The following TLL1 variants were observed in gnomAD, a reference collection of about 807,000 sequenced individuals.
The protein encoded by TLL1 is tolloid like 1.
Under a neutral mutation model 128.2 loss-of-function variants are expected in TLL1, and 49 were observed. The ratio of observed to expected loss-of-function variants is 0.38; its 90% CI spans 0.30 to 0.48. The LOEUF (loss-of-function observed/expected upper bound fraction) is 0.48, where lower values mean the gene tolerates loss of function less well. Among genes scored for constraint, TLL1 ranks in the 20% least tolerant of loss-of-function variants. TLL1 has a pLI of 0.96. For missense variants in TLL1, 1,123 were observed against 1,242.0 expected, an observed-to-expected ratio of 0.90 and a Z score of 1.44; for synonymous variants, 454 against 418.8, an observed-to-expected ratio of 1.08 and a Z score of -1.03.
chr4:166,024,357 T>TA (rs1194776093), intron 8 of TLL1, among the ~76,000 whole-genome samples: 3 of 152,212 alleles, frequency 2.0e-5, no homozygotes, highest in African/African-American at 7.2e-5. Flanking sequence ...CACCTGCTGG[T>TA]AGCTAAGGCC....
intron 5 of TLL1, among the ~76,000 whole-genome samples, chr4:166,002,848 A>T (rs77019793): frequency 0.013 from 2,044 of 152,316 alleles, 44 homozygotes; most frequent in African/African-American, 0.047. Flanking sequence ...ATAAACCAAC[A>T]TCTTTGATAA....
chr4:165,878,838 C>T (rs562254868), intron 1 of TLL1, among the ~76,000 whole-genome samples: 1 of 149,742 alleles, frequency 6.7e-6, no homozygotes, highest in South Asian at 2.1e-4. Flanking sequence ...TGAAACAGTT[C>T]GTATGTGTAG....
rs1734230878 is a variant in TLL1, at chr4:165,946,012, A to G, written c.170-43369A>G. Among the ~76,000 whole-genome samples the G allele has an allele frequency of 2.0e-5, 3 of 152,190 alleles. No individual in the cohort carries two copies. In the East Asian group the frequency reaches 5.8e-4, roughly 29 times the overall value. On this transcript the variant is annotated intron_variant, in intron 1 of 20. Transcript: ENST00000061240. ...TGGAAAGATGTAGCAGAAGAGAGAAATTAGAGAGAAATGAAGCCTGAGAAG... is the reference window on the plus strand; with the variant it reads ...TGGAAAGATGTAGCAGAAGAGAGAAGTTAGAGAGAAATGAAGCCTGAGAAG...
intron 1 of TLL1, among the ~76,000 whole-genome samples, chr4:165,923,487 G>A (rs1285968198): frequency 4.6e-5 from 6 of 129,540 alleles, no homozygotes; most frequent in Non-Finnish European, 9.3e-5. Context: ...GAAGTGCAGT[G>A]GTACGATCTC....
At chr4:166,014,057 G>A (rs1254780609) in intron 7 of TLL1, among the ~76,000 whole-genome samples, 1 of 151,658 alleles carries the variant, frequency 6.6e-6, no homozygotes, top group Non-Finnish European at 1.5e-5. Flanking sequence ...GTTTGCTATT[G>A]GGGAAATAGA....
intron 16 of TLL1, among the ~76,000 whole-genome samples, chr4:166,072,739 G>A (rs1214933470): frequency 6.6e-6 from 1 of 152,006 alleles, no homozygotes; most frequent in Non-Finnish European, 1.5e-5. Flanking sequence ...AATAATGCAT[G>A]TGTTATTGAA....
At chr4:166,003,339 G>A in intron 5 of TLL1, 52 bp from the exon 6 acceptor site, 1 of 1,596,114 alleles carries the variant, frequency 6.3e-7, no homozygotes, top group South Asian at 1.1e-5. Flanking sequence ...CATATTGTCA[G>A]TTGTCCAGCA....
intron 1 of TLL1, among the ~76,000 whole-genome samples, chr4:165,950,362 C>T (rs898349723): frequency 6.6e-6 from 1 of 151,936 alleles, no homozygotes; most frequent in East Asian, 1.9e-4. Flanking sequence ...ATTGGTAGAA[C>T]AAATAGGCGA....
intron 6 of TLL1, among the ~76,000 whole-genome samples, chr4:166,005,972 G>A (rs1011712930): frequency 4.0e-5 from 6 of 151,740 alleles, no homozygotes; most frequent in Non-Finnish European, 7.4e-5. Context: ...AATCTATTGG[G>A]TGAGATTTCC....
intron 1 of TLL1, among the ~76,000 whole-genome samples, chr4:165,949,253 C>T (rs1734397295): frequency 6.6e-6 from 1 of 151,998 alleles, no homozygotes; most frequent in South Asian, 2.1e-4. Context: ...AGAAACCAGG[C>T]ACCTCCACTC....
intron 1 of TLL1, among the ~76,000 whole-genome samples, chr4:165,977,343 C>T (rs1172642895): frequency 6.6e-6 from 1 of 152,066 alleles, no homozygotes; most frequent in Non-Finnish European, 1.5e-5. Context: ...GACTGTTCCT[C>T]CTGCACACAC....
intron 9 of TLL1, among the ~76,000 whole-genome samples, chr4:166,027,939 GA>G (rs1262351547): frequency 6.6e-6 from 1 of 151,958 alleles, no homozygotes; most frequent in African/African-American, 2.4e-5. Context: ...TAAATAGGAA[GA>G]AAAAATCTAT....
chr4:165,880,149 C>T (rs2061516), intron 1 of TLL1, among the ~76,000 whole-genome samples: 4,391 of 152,178 alleles, frequency 0.029, 104 homozygotes, highest in Middle Eastern at 0.044. Context: ...GAGAGAATCC[C>T]TTGCTTATTT....
At chr4:165,976,473 A>G (rs1432864679) in intron 1 of TLL1, among the ~76,000 whole-genome samples, 3 of 152,182 alleles carry the variant, frequency 2.0e-5, no homozygotes, top group Admixed American at 1.3e-4. Flanking sequence ...TAAAATGACA[A>G]TTATTCTTAT....
At chr4:165,888,239 A>G (rs1000162199) in intron 1 of TLL1, among the ~76,000 whole-genome samples, 1 of 152,170 alleles carries the variant, frequency 6.6e-6, no homozygotes, top group African/African-American at 2.4e-5. Flanking sequence ...ATTATTTACC[A>G]ATTATTCTAT....
chr4:166,047,754 C>CAGGT (rs1322383318), intron 12 of TLL1, among the ~76,000 whole-genome samples: 2 of 152,042 alleles, frequency 1.3e-5, no homozygotes, highest in Admixed American at 1.3e-4. Flanking sequence ...CACTATTTGG[C>CAGGT]AGGTAATAGA....
intron 12 of TLL1, among the ~76,000 whole-genome samples, chr4:166,049,359 T>A (rs1739609291): frequency 6.6e-6 from 1 of 152,230 alleles, no homozygotes; most frequent in African/African-American, 2.4e-5. Context: ...TTTCCTTTTG[T>A]AACTATCTTC....
At chr4:165,959,267 A>G (rs921453322) in intron 1 of TLL1, among the ~76,000 whole-genome samples, 1 of 152,174 alleles carries the variant, frequency 6.6e-6, no homozygotes, top group East Asian at 1.9e-4. Flanking sequence ...CGGTAGCTTG[A>G]TGGGGATGGC....
intron 18 of TLL1, among the ~76,000 whole-genome samples, chr4:166,085,064 A>T (rs1741445947): frequency 1.3e-5 from 2 of 151,658 alleles, no homozygotes; most frequent in African/African-American, 4.8e-5. Flanking sequence ...TGTTTTATTG[A>T]TTTCTTTTTC....
Sources: gnomAD v4.1 joint callset for allele counts (sites outside exome capture counted in the v4.1 genomes callset) on GRCh38, gnomAD v4.1.1 for gene constraint, MANE v1.5 for transcripts, NCBI Gene and HGNC (gene_info 2026-07-23, HGNC 2026-07-21) for gene names.